The following TMIGD1 variants were observed in gnomAD, a reference collection of about 807,000 sequenced individuals.
The protein encoded by TMIGD1 is transmembrane and immunoglobulin domain-containing protein 1.
TMIGD1 carries 29 observed loss-of-function variants against 27.5 expected under a neutral mutation model. That is an observed-to-expected ratio of 1.05 (90% confidence interval 0.78 to 1.44). The LOEUF is 1.44. TMIGD1 is among the 40% of genes most tolerant of loss of function. TMIGD1 has a pLI of 0.00. For synonymous variants in TMIGD1, 109 were observed against 110.3 expected, an observed-to-expected ratio of 0.99 and a Z score of 0.07; for missense variants, 334 against 310.6, an observed-to-expected ratio of 1.08 and a Z score of -0.57.
intron 2 of TMIGD1, among the ~76,000 whole-genome samples, chr17:30,330,099 G>A (rs1396980640): frequency 6.6e-6 from 1 of 151,884 alleles, no homozygotes; most frequent in African/African-American, 2.4e-5. Context: ...AAAAAGTACT[G>A]ATGCCTGATT....
At chr17:30,332,864 C>T (rs534579512) in intron 1 of TMIGD1, among the ~76,000 whole-genome samples, 2 of 152,236 alleles carry the variant, frequency 1.3e-5, no homozygotes, top group South Asian at 2.1e-4. Flanking sequence ...ATAAATATAG[C>T]GAACCACATA....
At chr17:30,319,252 A>AG (rs1909527974) in intron 4 of TMIGD1, among the ~76,000 whole-genome samples, 1 of 100,182 alleles carries the variant, frequency 1.0e-5, no homozygotes, top group African/African-American at 6.9e-5. Context: ...AAAAAAAGAA[A>AG]AAAAAAAAAA....
At chr17:30,319,007 C>T (rs1290193650) in intron 4 of TMIGD1, 94 bp from the exon 5 acceptor site, 18 of 857,602 alleles carry the variant, frequency 2.1e-5, no homozygotes, top group East Asian at 1.2e-4. Flanking sequence ...GTGTGTCATC[C>T]CCTTAATTAA....
At chr17:30,321,544 T>A (rs181914317) in intron 4 of TMIGD1, among the ~76,000 whole-genome samples, 1 of 152,332 alleles carries the variant, frequency 6.6e-6, no homozygotes, top group Admixed American at 6.5e-5. Flanking sequence ...TTATGCACTG[T>A]GTTCAGCACT....
chr17:30,324,826 C>A lies in TMIGD1; in HGVS notation c.630G>T (p.Leu210=), dbSNP rs75491799. Residue 210 remains leucine, a synonymous_variant, in exon 4 of 7, where the codon CTG becomes CTT. Coordinates refer to ENST00000328886, the MANE Select transcript of TMIGD1 (RefSeq NM_206832.3). ...SLKTESLDFH[L]IVKDKTVGVP... is the part of the protein sequence containing the mutation. ...TAAAAAGAGCATTACCTTTAACAAT[C>A]AGGTGAAAGTCCAAGCTCTCCGTTT... 2.0e-4 allele frequency: 323 copies of A among 1,613,818 alleles called. 2 individuals are homozygous for A. The East Asian group carries it at 6.6e-3, about 33-fold the overall frequency.
At chr17:30,319,249 G>GAAAAA (rs1201681602) in intron 4 of TMIGD1, among the ~76,000 whole-genome samples, 15 of 70,886 alleles carry the variant, frequency 2.1e-4, no homozygotes, top group African/African-American at 9.2e-4. Flanking sequence ...AAAAAAAAAA[G>GAAAAA]AAAAAAAAAA....
chr17:30,322,445 C>T (rs1157541256), intron 4 of TMIGD1, among the ~76,000 whole-genome samples: 1 of 152,156 alleles, frequency 6.6e-6, no homozygotes, highest in Non-Finnish European at 1.5e-5. Context: ...AATATTTTTA[C>T]CAAGCCAGAT....
intron 2 of TMIGD1, 152 bp from the exon 3 acceptor site, chr17:30,329,681 T>C (rs1275716636): frequency 1.6e-6 from 1 of 623,016 alleles, no homozygotes; most frequent in Non-Finnish European, 2.7e-6. Flanking sequence ...TATGATTTTA[T>C]AATGAAAAAT....
intron 1 of TMIGD1, among the ~76,000 whole-genome samples, chr17:30,332,856 A>G (rs1910024589): frequency 6.6e-6 from 1 of 152,318 alleles, no homozygotes; most frequent in South Asian, 2.1e-4. Context: ...GTACTACTAT[A>G]AATATAGCGA....
chr17:30,321,893 A>G (rs1258597723), intron 4 of TMIGD1, among the ~76,000 whole-genome samples: 1 of 152,154 alleles, frequency 6.6e-6, no homozygotes, highest in East Asian at 1.9e-4. Context: ...CAGTGGCATG[A>G]TCATGGCTCA....
At chr17:30,328,490 A>T (rs1044575191) in intron 3 of TMIGD1, among the ~76,000 whole-genome samples, 2 of 152,208 alleles carry the variant, frequency 1.3e-5, no homozygotes, top group Non-Finnish European at 2.9e-5. Flanking sequence ...ATTCAAAATG[A>T]CAAAGGACTA....
chr17:30,329,341 A>G lies in TMIGD1; in HGVS notation c.271T>C (p.Ser91Pro). The change falls in exon 3 of 7, where the codon TCC (serine) becomes CCC (proline). Residue 91 changes from serine to proline, a missense_variant. Ser to Pro is a moderately conservative substitution (Grantham distance 74). Coordinates refer to ENST00000328886, the MANE Select transcript of TMIGD1 (RefSeq NM_206832.3). ...KINSSSVCVS[S>P]ISENDNGISF... ...ATTCCGTTGTCATTTTCACTGATGG[A>G]AGAGACACAGACAGAGCTGGAATTG... 2 of 1,614,072 alleles carry G rather than the reference A, an allele frequency of 1.2e-6. No homozygotes were observed. Among genetic ancestry groups the G allele is most frequent in the Non-Finnish European group, 1.7e-6 (2 of 1,180,016 alleles).
rs192534144 is a variant in TMIGD1 at position 30,323,230 on chromosome 17, C to T, written c.640+1586G>A. Reference sequence around the variant, plus strand: ...TTTGGCAAGGGTAATTACATAACTGCCCCTCTCCCCTTGTCCTGTTTTATG... The same window carrying T: ...TTTGGCAAGGGTAATTACATAACTGTCCCTCTCCCCTTGTCCTGTTTTATG... On this transcript the variant is annotated intron_variant, in intron 4 of 6. Transcript: ENST00000328886. 9.9e-5 allele frequency among the ~76,000 whole-genome samples: 15 copies of T among 152,208 alleles called. No individual in the cohort carries two copies. In the East Asian group the frequency reaches 2.3e-3, roughly 24 times the overall value.
chr17:30,327,023 T>C (rs1909802771), intron 3 of TMIGD1, among the ~76,000 whole-genome samples: 1 of 151,236 alleles, frequency 6.6e-6, no homozygotes, highest in South Asian at 2.1e-4. Context: ...ACTGTCATTA[T>C]GGATTACTGA....
chr17:30,323,983 A>G (rs561452139), intron 4 of TMIGD1, among the ~76,000 whole-genome samples: 9 of 152,216 alleles, frequency 5.9e-5, no homozygotes, highest in Non-Finnish European at 1.0e-4. Context: ...GGGGAAGCAA[A>G]TAAGATGTCC....
chr17:30,316,777 G>A, intron 6 of TMIGD1, 87 bp from the exon 7 acceptor site: 2 of 1,277,886 alleles, frequency 1.6e-6, no homozygotes, highest in Non-Finnish European at 2.2e-6. Context: ...CTGACAACAT[G>A]CCTTTGTTCT....
At chr17:30,322,252 T>A (rs1440706526) in intron 4 of TMIGD1, among the ~76,000 whole-genome samples, 2 of 152,206 alleles carry the variant, frequency 1.3e-5, no homozygotes, top group Admixed American at 6.5e-5. Flanking sequence ...ATCACCCCTA[T>A]GGAGAAACTT....
chr17:30,325,333 G>A (rs764117564), intron 3 of TMIGD1, among the ~76,000 whole-genome samples: 15 of 152,162 alleles, frequency 9.9e-5, no homozygotes, highest in Admixed American at 2.0e-4. Flanking sequence ...ATGATTATGA[G>A]CATGATATAT....
chr17:30,323,095 G>C (rs1324175138), intron 4 of TMIGD1, among the ~76,000 whole-genome samples: 6 of 152,078 alleles, frequency 3.9e-5, no homozygotes, highest in Admixed American at 3.9e-4. Context: ...GCTTGAGCCT[G>C]GGGGGATGAG....
Sources: allele counts gnomAD v4.1 joint callset (sites outside exome capture counted in the v4.1 genomes callset), GRCh38; gene constraint gnomAD v4.1.1; transcripts MANE v1.5; gene names NCBI Gene and HGNC (gene_info 2026-07-23, HGNC 2026-07-21).